The following KLHL20 variants were observed in gnomAD, a reference collection of about 807,000 sequenced individuals.
KLHL20 encodes the protein kelch-like protein 20.
In KLHL20, 29 loss-of-function variants were observed where a neutral mutation model predicts 69.5. The observed-to-expected ratio is 0.42, with a 90% CI of 0.31 to 0.57. The LOEUF is 0.57. Among genes scored for constraint, KLHL20 ranks in the 20% least tolerant of loss-of-function variants. The pLI, the probability that KLHL20 is intolerant of heterozygous loss-of-function variation, is 0.18. For synonymous variants in KLHL20, 253 were observed against 265.2 expected (o/e 0.95, Z 0.45); for missense variants, 419 against 776.0 (o/e 0.54, Z 5.47).
chr1:173,773,047 G>A (rs893009569), intron 8 of KLHL20, among the ~76,000 whole-genome samples: 2 of 152,138 alleles, frequency 1.3e-5, no homozygotes, highest in Non-Finnish European at 2.9e-5. Context: ...TGCAATAATA[G>A]CTCACAACTG....
intron 7 of KLHL20, among the ~76,000 whole-genome samples, chr1:173,761,117 A>C (rs1375735415): frequency 6.6e-6 from 1 of 152,196 alleles, no homozygotes; most frequent in African/African-American, 2.4e-5. Context: ...CTTTAAAGCA[A>C]CAGTGGTTAA....
intron 2 of KLHL20, among the ~76,000 whole-genome samples, chr1:173,726,850 T>A (rs1294236078): frequency 2.0e-5 from 3 of 152,060 alleles, no homozygotes; most frequent in Non-Finnish European, 4.4e-5. Flanking sequence ...CCTCTCCTCC[T>A]CCAAAGGAAC....
In KLHL20 at chr1:173,719,111, A is replaced by AAAAAAAAAAAAG. The variant is rs1161711428; in HGVS notation, c.23+3049_23+3050insAAAAAAAGAAAA. Among the ~76,000 whole-genome samples, 30 of 151,804 alleles carry AAAAAAAAAAAAG rather than the reference A, an allele frequency of 2.0e-4. 3 individuals are homozygous for AAAAAAAAAAAAG. The highest frequency in any genetic ancestry group is 5.9e-4 in the Admixed American group (9 of 15,266). On this transcript the variant is annotated intron_variant, in intron 2 of 11. Coordinates refer to ENST00000209884, the MANE Select transcript of KLHL20 (RefSeq NM_014458.4). ...AACAGCGGGACTCCGTCTCAAAAAAAAAAAGAAAAATTATTTTGTAAATTG... is the reference window on the plus strand; with the variant it reads ...AACAGCGGGACTCCGTCTCAAAAAAAAAAAAAAAAAAGAAAAGAAAAATTATTTTGTAAATTG...
At chr1:173,764,513 G>C (rs561614753) in intron 7 of KLHL20, among the ~76,000 whole-genome samples, 1 of 152,242 alleles carries the variant, frequency 6.6e-6, no homozygotes, top group African/African-American at 2.4e-5. Flanking sequence ...AGAAACTGTG[G>C]TGTATATAGA....
intron 2 of KLHL20, among the ~76,000 whole-genome samples, chr1:173,733,429 T>C (rs1672378349): frequency 6.6e-6 from 1 of 152,126 alleles, no homozygotes; most frequent in Admixed American, 6.6e-5. Flanking sequence ...TCTAAAAGTT[T>C]TATTGCTATA....
chr1:173,745,170 C>CTTTTTTTTTTTT (rs796578983), intron 3 of KLHL20, among the ~76,000 whole-genome samples: 67 of 115,508 alleles, frequency 5.8e-4, no homozygotes, highest in Middle Eastern at 4.3e-3. Flanking sequence ...TTTCTTTTTT[C>CTTTTTTTTTTTT]TTTTTTTTTT....
In KLHL20 at chr1:173,755,953, C is replaced by T. The variant is rs1329342580; in HGVS notation, c.882C>T (p.Leu294=). The part of the protein sequence containing the change: ...RDLVDEAKNY[L]LLPQERPLMQ... Reference sequence around the variant, plus strand: ...TGGTAGATGAGGCTAAAAACTACCTCCTATTGCCGCAAGAACGACCACTAA... The same window carrying T: ...TGGTAGATGAGGCTAAAAACTACCTTCTATTGCCGCAAGAACGACCACTAA... The change falls in exon 6 of 12, where the codon CTC becomes CTT. Residue 294 remains leucine (L), a synonymous_variant. Transcript: ENST00000209884. 6.2e-7 allele frequency: 1 copy of T among 1,613,968 alleles called. No individual in the cohort carries two copies. The highest frequency in any genetic ancestry group is 1.7e-5 in the Admixed American group (1 of 60,000).
At chr1:173,784,929 G>T (rs1649109643) in intron 11 of KLHL20, among the ~76,000 whole-genome samples, 1 of 152,182 alleles carries the variant, frequency 6.6e-6, no homozygotes, top group African/African-American at 2.4e-5. Context: ...TCTTCACACA[G>T]CCTCCTATGA....
At chr1:173,750,070 G>GA (rs748480102) in intron 3 of KLHL20, among the ~76,000 whole-genome samples, 5 of 151,834 alleles carry the variant, frequency 3.3e-5, no homozygotes, top group South Asian at 4.2e-4. Flanking sequence ...CTACCACAGA[G>GA]AAAAAAATGC....
chr1:173,777,281 ATTTG>A (rs1316985384), intron 10 of KLHL20, among the ~76,000 whole-genome samples: 20 of 152,130 alleles, frequency 1.3e-4, no homozygotes, highest in Non-Finnish European at 2.2e-4. Context: ...GCTCTGCTGA[ATTTG>A]TTTATCTGTT....
chr1:173,756,459 A>G (rs1673550194), intron 6 of KLHL20, among the ~76,000 whole-genome samples: 1 of 152,306 alleles, frequency 6.6e-6, no homozygotes, highest in Middle Eastern at 3.4e-3. Flanking sequence ...TGAGCCTAGG[A>G]GGTCAAGGCT....
At chr1:173,723,461 T>C (rs1671809847) in intron 2 of KLHL20, among the ~76,000 whole-genome samples, 1 of 152,250 alleles carries the variant, frequency 6.6e-6, no homozygotes. Flanking sequence ...TTTATTTTTG[T>C]GCTATATCTT....
chr1:173,753,179 A>G (rs768678400), intron 4 of KLHL20, 34 bp from the exon 5 acceptor site: 1 of 1,542,276 alleles, frequency 6.5e-7, no homozygotes, highest in Non-Finnish European at 8.9e-7. Context: ...CTCAAAATTA[A>G]TTAATTAAAA....
At chr1:173,781,937 A>G (rs997407159) in intron 10 of KLHL20, 187 bp from the exon 11 acceptor site, 1 of 507,340 alleles carries the variant, frequency 2.0e-6, no homozygotes, top group Non-Finnish European at 3.5e-6. Flanking sequence ...TTCTAATTGA[A>G]TATATAATTT....
intron 2 of KLHL20, among the ~76,000 whole-genome samples, chr1:173,723,909 C>T (rs866677305): frequency 6.6e-5 from 10 of 152,228 alleles, no homozygotes; most frequent in African/African-American, 1.7e-4. Context: ...TTTGTAGTAA[C>T]CTGATAGGCT....
At chr1:173,731,839 A>C (rs193189120) in intron 2 of KLHL20, among the ~76,000 whole-genome samples, 142 of 152,258 alleles carry the variant, frequency 9.3e-4, no homozygotes, top group Non-Finnish European at 1.6e-3. Flanking sequence ...CGTTGTGCAC[A>C]TGTACCCTAA....
chr1:173,757,413 A>G (rs1673597685), intron 7 of KLHL20, among the ~76,000 whole-genome samples: 1 of 152,094 alleles, frequency 6.6e-6, no homozygotes, highest in African/African-American at 2.4e-5. Context: ...AGTTCCTTGG[A>G]CATGCTGCAT....
chr1:173,779,350 C>CTTT (rs375083476), intron 10 of KLHL20, among the ~76,000 whole-genome samples: 7 of 131,418 alleles, frequency 5.3e-5, no homozygotes, highest in East Asian at 2.1e-4. Flanking sequence ...AGGATTTCTC[C>CTTT]TTTTTTTTTT....
chr1:173,764,508 C>T (rs1294352725), intron 7 of KLHL20, among the ~76,000 whole-genome samples: 1 of 152,106 alleles, frequency 6.6e-6, no homozygotes, highest in African/African-American at 2.4e-5. Flanking sequence ...GATAAAGAAA[C>T]TGTGGTGTAT....
Sources: allele counts gnomAD v4.1 joint callset (sites outside exome capture counted in the v4.1 genomes callset), GRCh38; gene constraint gnomAD v4.1.1; transcripts MANE v1.5; gene names NCBI Gene and HGNC (gene_info 2026-07-23, HGNC 2026-07-21).